EVA1C: variants seen among roughly 807,000 people sequenced by gnomAD.
The protein encoded by EVA1C is eva-1 homolog C.
A neutral mutation model predicts 45.4 loss-of-function variants in EVA1C; 25 were observed. The ratio of observed to expected loss-of-function variants is 0.55; its 90% confidence interval spans 0.40 to 0.77. The LOEUF (loss-of-function observed/expected upper bound fraction) is 0.77, where lower values mean the gene tolerates loss of function less well. Among genes scored for constraint, EVA1C ranks in the 30% least tolerant of loss-of-function variants. The pLI, the probability that EVA1C is intolerant of heterozygous loss-of-function variation, is 0.00. For synonymous variants in EVA1C, 190 were observed against 221.2 expected (o/e 0.86, Z 1.25); for missense variants, 479 against 554.8 (o/e 0.86, Z 1.37).
In EVA1C at chr21:32,482,228, T is replaced by TA. The variant is rs2036814199; in HGVS notation, c.635-12796dup. Among the ~76,000 whole-genome samples, 3 of 152,320 alleles carry TA rather than the reference T, an allele frequency of 2.0e-5. No homozygotes were observed. In the East Asian group the frequency reaches 5.8e-4, roughly 29 times the overall value. On this transcript the variant is annotated intron_variant, in intron 4 of 7. Coordinates refer to ENST00000300255, the MANE Select transcript of EVA1C (RefSeq NM_058187.5). ...TGCCACAGATGGTCTTCCGGGACCTTAAACACAGATTTTTCACACAAGCTT... is the reference window on the plus strand; with the variant it reads ...TGCCACAGATGGTCTTCCGGGACCTTAAAACACAGATTTTTCACACAAGCTT...
intron 7 of EVA1C, among the ~76,000 whole-genome samples, chr21:32,510,546 A>G (rs1322605829): frequency 2.0e-5 from 3 of 152,158 alleles, no homozygotes; most frequent in Non-Finnish European, 4.4e-5. Context: ...TATATTTGCA[A>G]CAGAGACCAT....
intron 7 of EVA1C, 76 bp downstream of exon 7, chr21:32,504,091 T>C (rs2037646619): frequency 1.4e-5 from 14 of 1,006,548 alleles, no homozygotes; most frequent in Non-Finnish European, 3.1e-6. Context: ...GCTGTTCAAT[T>C]ATAGCACTCA....
chr21:32,460,756 C>CTTTTTTTT lies in EVA1C; in HGVS notation c.481+3037_481+3044dup, dbSNP rs3056330. Among the ~76,000 whole-genome samples, 111 of 149,780 alleles carry CTTTTTTTT rather than the reference C, an allele frequency of 7.4e-4. 1 individual carries two copies. Among genetic ancestry groups the CTTTTTTTT allele is most frequent in the East Asian group, 2.4e-3 (12 of 5,042 alleles). On this transcript the variant is annotated intron_variant, in intron 3 of 7. Transcript: ENST00000300255. Reference sequence around the variant, plus strand: ...CTACGCAAGCAGCTCACAGAAGAATCTTTTTTTTGGATAGGGTCTCACTCC... The same window carrying CTTTTTTTT: ...CTACGCAAGCAGCTCACAGAAGAATCTTTTTTTTTTTTTTTTGGATAGGGTCTCACTCC...
chr21:32,416,900 G>A (rs977979379), intron 1 of EVA1C, among the ~76,000 whole-genome samples: 5 of 152,170 alleles, frequency 3.3e-5, no homozygotes, highest in Admixed American at 1.3e-4. Context: ...CAGTCTTTAA[G>A]GCCTTCCTTG....
chr21:32,468,909 C>A (rs576718964), intron 4 of EVA1C, among the ~76,000 whole-genome samples: 1 of 152,124 alleles, frequency 6.6e-6, no homozygotes, highest in Non-Finnish European at 1.5e-5. Context: ...ATACACAGGG[C>A]GCCGTCTGAG....
At chr21:32,507,798 ATC>A (rs199670506) in intron 7 of EVA1C, among the ~76,000 whole-genome samples, 64 of 141,874 alleles carry the variant, frequency 4.5e-4, no homozygotes, top group Admixed American at 2.9e-3. Flanking sequence ...GCATATGTGT[ATC>A]TCTGTGTGCA....
chr21:32,475,627 C>T (rs937068981), intron 4 of EVA1C, among the ~76,000 whole-genome samples: 20 of 151,932 alleles, frequency 1.3e-4, no homozygotes, highest in Admixed American at 1.3e-3. Context: ...CTAACAATGC[C>T]GAGCACTTCC....
chr21:32,481,251 A>G (rs1273669979), intron 4 of EVA1C, among the ~76,000 whole-genome samples: 1 of 152,168 alleles, frequency 6.6e-6, no homozygotes, highest in Non-Finnish European at 1.5e-5. Flanking sequence ...TTCCCAATGC[A>G]GGTAGCTTAT....
At chr21:32,419,771 T>C (rs1464557736) in intron 1 of EVA1C, among the ~76,000 whole-genome samples, 1 of 142,076 alleles carries the variant, frequency 7.0e-6, no homozygotes, top group Non-Finnish European at 1.5e-5. Flanking sequence ...ATACTGTCAC[T>C]GAAGCTGAGC....
chr21:32,415,383 A>C (rs1436228992), intron 1 of EVA1C, among the ~76,000 whole-genome samples: 1 of 152,158 alleles, frequency 6.6e-6, no homozygotes, highest in African/African-American at 2.4e-5. Context: ...AGGAGGAGGG[A>C]GGATGGTGTA....
At chr21:32,493,642 G>A (rs997943393) in intron 4 of EVA1C, 10 of 152,340 alleles carry the variant, frequency 6.6e-5, no homozygotes, top group Middle Eastern at 3.4e-3. Context: ...TCTGCACCAC[G>A]TCCTGCTGAC....
chr21:32,413,325 C>T lies in EVA1C; in HGVS notation c.160+312C>T, dbSNP rs569610826. Among the ~76,000 whole-genome samples, 46 of 152,354 alleles carry T rather than the reference C, an allele frequency of 3.0e-4. 1 individual carries two copies. Among genetic ancestry groups the T allele is most frequent in the Middle Eastern group, 3.4e-3 (1 of 294 alleles). On this transcript the variant is annotated intron_variant, in intron 1 of 7. Transcript: ENST00000300255. ...GCTCGTTCTATGGAGGCTCCTTAAA[C>T]TGAGCCCTGTGCCGCGCCCAGCGCT... is the stretch of plus-strand genomic sequence containing the variant.
intron 6 of EVA1C, among the ~76,000 whole-genome samples, chr21:32,502,509 G>T (rs962133008): frequency 2.6e-5 from 4 of 152,066 alleles, no homozygotes; most frequent in African/African-American, 9.7e-5. Flanking sequence ...AAACCCATGG[G>T]GTCCCTAATA....
In EVA1C at chr21:32,474,027, A is replaced by C; in HGVS notation, c.634+6179A>C. 2 of 863,118 alleles carry C rather than the reference A, an allele frequency of 2.3e-6. No individual in the cohort carries two copies. The highest frequency in any genetic ancestry group is 2.8e-6 in the Non-Finnish European group (2 of 718,418). The allele number at this position is 863,118 out of a possible 1,614,324, so 53.5% of individuals were successfully genotyped here. ...CTGCAAGCCTCCAACTCATGGGCTCAAGCAATTCTCTCACCTCAGCCTCCT... is the reference window on the plus strand; with the variant it reads ...CTGCAAGCCTCCAACTCATGGGCTCCAGCAATTCTCTCACCTCAGCCTCCT... On this transcript the variant is annotated intron_variant, in intron 4 of 7. Transcript: ENST00000300255. This position sits in a 1 kb window ranked among gnomAD's most constrained non-coding sequence, Gnocchi z 4.4.
At chr21:32,496,436 T>A (rs990239567) in intron 5 of EVA1C, among the ~76,000 whole-genome samples, 4 of 152,226 alleles carry the variant, frequency 2.6e-5, no homozygotes, top group Non-Finnish European at 5.9e-5. Context: ...ATAGATATGA[T>A]GAAGTGACTA....
intron 1 of EVA1C, among the ~76,000 whole-genome samples, chr21:32,416,598 G>C (rs181615122): frequency 6.6e-6 from 1 of 151,836 alleles, no homozygotes; most frequent in Admixed American, 6.5e-5. Flanking sequence ...CAATGTGCTG[G>C]GATTATAGGC....
chr21:32,454,160 C>T (rs150876243), intron 2 of EVA1C, among the ~76,000 whole-genome samples: 44 of 152,182 alleles, frequency 2.9e-4, no homozygotes, highest in Middle Eastern at 6.8e-3. Flanking sequence ...ACCCAGGAGG[C>T]GGAGGTTGCA....
intron 7 of EVA1C, among the ~76,000 whole-genome samples, chr21:32,510,632 A>T (rs2037916371): frequency 6.6e-6 from 1 of 152,230 alleles, no homozygotes; most frequent in South Asian, 2.1e-4. Context: ...GATGGGGACC[A>T]GGTGCCTGCA....
At chr21:32,500,806 T>C (rs1238057715) in intron 5 of EVA1C, among the ~76,000 whole-genome samples, 1 of 150,906 alleles carries the variant, frequency 6.6e-6, no homozygotes, top group Non-Finnish European at 1.5e-5. Flanking sequence ...ATGTATCATA[T>C]CGGTACTTCA....
Sources: gnomAD v4.1 joint callset for allele counts (sites outside exome capture counted in the v4.1 genomes callset) on GRCh38, gnomAD v4.1.1 for gene constraint, Gnocchi (gnomAD v3.1) non-coding constraint, MANE v1.5 for transcripts, NCBI Gene and HGNC (gene_info 2026-07-23, HGNC 2026-07-21) for gene names.